Variants in MAP2 observed in about 807,000 individuals in gnomAD.
MAP2 encodes the protein microtubule-associated protein 2.
Under a neutral mutation model 137.6 loss-of-function variants are expected in MAP2, and 14 were observed. That is an observed-to-expected ratio of 0.10 (90% confidence interval 0.07 to 0.16). The LOEUF is 0.16. Ranked by LOEUF, MAP2 falls within the 10% of genes least tolerant of loss-of-function variation. The probability of loss-of-function intolerance (pLI) is 1.00; values close to 1 mark genes in which losing one functional copy is unlikely to be tolerated. For missense variants in MAP2, 2,088 were observed against 2,191.5 expected, an observed-to-expected ratio of 0.95 and a Z score of 0.94; for synonymous variants, 786 against 782.3, an observed-to-expected ratio of 1.00 and a Z score of -0.08.
chr2:209,451,816 G>A (rs938197074), intron 1 of MAP2, among the ~76,000 whole-genome samples: 1 of 152,112 alleles, frequency 6.6e-6, no homozygotes, highest in African/African-American at 2.4e-5. Context: ...CATTTTGGGG[G>A]ACTCAGTAAG....
chr2:209,444,627 A>G (rs574647257), intron 1 of MAP2, among the ~76,000 whole-genome samples: 2 of 151,548 alleles, frequency 1.3e-5, no homozygotes, highest in African/African-American at 2.4e-5. Flanking sequence ...TGAAAATTAA[A>G]GTAAAATTCA....
At chr2:209,518,407 A>C (rs2150359689) in intron 2 of MAP2, among the ~76,000 whole-genome samples, 1 of 152,202 alleles carries the variant, frequency 6.6e-6, no homozygotes, top group South Asian at 2.1e-4. Context: ...AATAGAATTT[A>C]TATAGCCACA....
At chr2:209,460,130 A>G (rs1259908679) in intron 1 of MAP2, among the ~76,000 whole-genome samples, 1 of 152,208 alleles carries the variant, frequency 6.6e-6, no homozygotes, top group Non-Finnish European at 1.5e-5. Flanking sequence ...ACCTGTTTTA[A>G]TTTGTGAGTA....
intron 4 of MAP2, among the ~76,000 whole-genome samples, chr2:209,625,357 G>T (rs539479008): frequency 6.6e-6 from 1 of 152,150 alleles, no homozygotes. Flanking sequence ...AAAATGACAA[G>T]CTCTTTCTCT....
At chr2:209,549,086 A>C (rs1016433738) in intron 2 of MAP2, among the ~76,000 whole-genome samples, 2 of 152,220 alleles carry the variant, frequency 1.3e-5, no homozygotes. Context: ...CTACATGTTC[A>C]GCCGTCACAT....
At chr2:209,681,429 TC>T (rs2054522524) in intron 7 of MAP2, among the ~76,000 whole-genome samples, 1 of 152,198 alleles carries the variant, frequency 6.6e-6, no homozygotes, top group African/African-American at 2.4e-5. Context: ...TGTCCATGGA[TC>T]TTTTTATGAA....
At chr2:209,482,746 A>G (rs868071823) in intron 1 of MAP2, among the ~76,000 whole-genome samples, 11 of 152,324 alleles carry the variant, frequency 7.2e-5, no homozygotes, top group Middle Eastern at 3.4e-3. Flanking sequence ...GGATTCAAAC[A>G]CATGGCCTCA....
intron 2 of MAP2, among the ~76,000 whole-genome samples, chr2:209,534,887 T>C (rs184051003): frequency 4.5e-4 from 69 of 152,336 alleles, no homozygotes; most frequent in African/African-American, 1.6e-3. Flanking sequence ...AATACGTGCA[T>C]TTTTTAACAG....
At chr2:209,430,583 T>A (rs1693988828) in intron 1 of MAP2, among the ~76,000 whole-genome samples, 1 of 152,140 alleles carries the variant, frequency 6.6e-6, no homozygotes, top group South Asian at 2.1e-4. Flanking sequence ...TATTTTTCTG[T>A]TTGGATTAAG....
At chr2:209,608,125 T>C (rs2085443525) in intron 3 of MAP2, among the ~76,000 whole-genome samples, 1 of 152,194 alleles carries the variant, frequency 6.6e-6, no homozygotes, top group Non-Finnish European at 1.5e-5. Context: ...ATGTGAAAAC[T>C]TGATTTCACT....
Position 209,455,639 on chromosome 2 carries a change from C to T in MAP2, c.-222+31363C>T, listed in dbSNP as rs372141342. ...AAATGCAGAGCATTAATAAAAAACA[C>T]GGCTTCATGTTCTTAATATATGTAG... is the stretch of plus-strand genomic sequence containing the variant. On this transcript the variant is annotated intron_variant, in intron 1 of 15. Transcript: ENST00000682079. Among the ~76,000 whole-genome samples the T allele has an allele frequency of 3.7e-4, 57 of 152,216 alleles. 1 individual carries two copies. Among genetic ancestry groups the T allele is most frequent in the African/African-American group, 1.2e-3 (51 of 41,544 alleles).
At chr2:209,592,760 T>C (rs1308123664) in intron 3 of MAP2, among the ~76,000 whole-genome samples, 1 of 152,184 alleles carries the variant, frequency 6.6e-6, no homozygotes, top group Non-Finnish European at 1.5e-5. Context: ...AGGTCTTTTT[T>C]CATTTAACCT....
At chr2:209,640,760 A>G (rs939354905) in intron 4 of MAP2, among the ~76,000 whole-genome samples, 6 of 152,114 alleles carry the variant, frequency 3.9e-5, no homozygotes, top group Non-Finnish European at 8.8e-5. Flanking sequence ...ATAATTCTCC[A>G]GGACTTTATT....
intron 3 of MAP2, among the ~76,000 whole-genome samples, chr2:209,598,015 A>T (rs1049436363): frequency 1.8e-4 from 28 of 151,414 alleles, no homozygotes; most frequent in South Asian, 4.2e-4. Context: ...TTATTTATTT[A>T]TTTTTTTTGA....
At chr2:209,579,546 C>G (rs539269732) in intron 2 of MAP2, 4 of 152,390 alleles carry the variant, frequency 2.6e-5, no homozygotes, top group African/African-American at 9.6e-5. Flanking sequence ...CTCTCCCACT[C>G]GCCTTATTTT....
Position 209,696,993 on chromosome 2 carries a change from A to G in MAP2, c.4464A>G (p.Lys1488=). The stretch of plus-strand genomic sequence containing the variant: ...CTCCCTCCAGGAAATTCATTTTAAA[A>G]CCTGCTATCAAATATACTAGACCAA... ...AHSPSRKFIL[K]PAIKYTRPTH... is the part of the protein sequence containing the mutation. The change falls in exon 10 of 16, where the codon AAA becomes AAG. Residue 1488 remains lysine (K), a synonymous_variant. Coordinates refer to ENST00000682079, the MANE Select transcript of MAP2 (RefSeq NM_001375505.1). 1 of 1,613,508 alleles carries G rather than the reference A, an allele frequency of 6.2e-7. No individual in the cohort carries two copies. The highest frequency in any genetic ancestry group is 8.5e-7 in the Non-Finnish European group (1 of 1,179,902).
At chr2:209,470,968 A>G (rs1018057942) in intron 1 of MAP2, among the ~76,000 whole-genome samples, 4 of 152,158 alleles carry the variant, frequency 2.6e-5, no homozygotes, top group Non-Finnish European at 4.4e-5. Flanking sequence ...CTAATTTTGG[A>G]AAAATACAAA....
intron 2 of MAP2, among the ~76,000 whole-genome samples, chr2:209,548,545 T>C (rs1322210998): frequency 6.6e-6 from 1 of 152,158 alleles, no homozygotes; most frequent in Non-Finnish European, 1.5e-5. Flanking sequence ...GTCAGAAAAA[T>C]ATTAGCCAGA....
At chr2:209,444,979 T>A (rs1698718162) in intron 1 of MAP2, among the ~76,000 whole-genome samples, 2 of 151,490 alleles carry the variant, frequency 1.3e-5, no homozygotes, top group Non-Finnish European at 3.0e-5. Context: ...CATGGTTTTT[T>A]TTGTTTGTTT....
Sources: allele counts gnomAD v4.1 joint callset (sites outside exome capture counted in the v4.1 genomes callset), GRCh38; gene constraint gnomAD v4.1.1; transcripts MANE v1.5; gene names NCBI Gene and HGNC (gene_info 2026-07-23, HGNC 2026-07-21).